The following FGF14 variants were observed in gnomAD, a reference collection of about 807,000 sequenced individuals.
The protein encoded by FGF14 is fibroblast growth factor homologous factor 4.
A neutral mutation model predicts 25.5 loss-of-function variants in FGF14; 5 were observed. That is an observed-to-expected ratio of 0.20 (90% CI 0.10 to 0.41). The LOEUF (loss-of-function observed/expected upper bound fraction) is 0.41. Among genes scored for constraint, FGF14 ranks in the 10% least tolerant of loss-of-function variants. The pLI, the probability that FGF14 is intolerant of heterozygous loss-of-function variation, is 1.00. For missense variants in FGF14, 222 were observed against 320.1 expected (o/e 0.69, Z 2.34); for synonymous variants, 138 against 118.3 (o/e 1.17, Z -1.08).
At chr13:102,331,701 G>T (rs191025962) in intron 1 of FGF14, among the ~76,000 whole-genome samples, 1 of 152,214 alleles carries the variant, frequency 6.6e-6, no homozygotes, top group South Asian at 2.1e-4. Flanking sequence ...TACATGAAAC[G>T]CACAATGAAG....
chr13:101,730,302 G>A (rs1361742143), intron 3 of FGF14, among the ~76,000 whole-genome samples: 2 of 152,158 alleles, frequency 1.3e-5, no homozygotes, highest in African/African-American at 4.8e-5. Flanking sequence ...TGTAGCACAT[G>A]AGTATATGTG....
chr13:102,094,037 A>G (rs56197930), intron 1 of FGF14, among the ~76,000 whole-genome samples: 1 of 149,790 alleles, frequency 6.7e-6, no homozygotes. Flanking sequence ...TGACAACTTA[A>G]TAAAGGAAGG....
chr13:102,289,001 A>G (rs2152694), intron 1 of FGF14, among the ~76,000 whole-genome samples: 87,477 of 151,826 alleles, frequency 0.58, 25,351 homozygotes, highest in Middle Eastern at 0.67. Flanking sequence ...AGGTTAGCCA[A>G]TGAAAGCCTG....
intron 1 of FGF14, among the ~76,000 whole-genome samples, chr13:102,370,880 T>A (rs1478392665): frequency 6.6e-6 from 1 of 151,174 alleles, no homozygotes; most frequent in Non-Finnish European, 1.5e-5. Flanking sequence ...ATAACACACA[T>A]AGTTCACATA....
chr13:102,316,913 G>T (rs1319594788), intron 1 of FGF14, among the ~76,000 whole-genome samples: 4 of 152,124 alleles, frequency 2.6e-5, no homozygotes, highest in African/African-American at 9.7e-5. Context: ...GGATGATTGA[G>T]ATGTGGAAAG....
intron 3 of FGF14, 52 bp from the exon 4 acceptor site, chr13:101,726,862 G>T: frequency 7.4e-7 from 1 of 1,349,236 alleles, no homozygotes; most frequent in Non-Finnish European, 1.0e-6. Flanking sequence ...GATCTTCACT[G>T]TACATTCTAC....
chr13:101,798,489 T>G (rs899624867), intron 3 of FGF14, among the ~76,000 whole-genome samples: 1 of 152,140 alleles, frequency 6.6e-6, no homozygotes, highest in Non-Finnish European at 1.5e-5. Flanking sequence ...TCATGACAGT[T>G]CATCTAGAAA....
chr13:102,047,669 G>A (rs1302796992), intron 1 of FGF14, among the ~76,000 whole-genome samples: 1 of 152,030 alleles, frequency 6.6e-6, no homozygotes, highest in Admixed American at 6.6e-5. Context: ...TCACACACCG[G>A]GGCCTGTTGT....
At chr13:102,186,200 A>G (rs1191702267) in intron 1 of FGF14, among the ~76,000 whole-genome samples, 1 of 152,182 alleles carries the variant, frequency 6.6e-6, no homozygotes, top group Non-Finnish European at 1.5e-5. Context: ...ATTGCCACTT[A>G]TAAGCGCAGC....
intron 3 of FGF14, among the ~76,000 whole-genome samples, chr13:101,800,413 T>C (rs1337865213): frequency 1.3e-5 from 2 of 152,176 alleles, no homozygotes. Context: ...AATATTCATA[T>C]AAAATAATAG....
chr13:102,094,830 G>A (rs1343943442), intron 1 of FGF14, among the ~76,000 whole-genome samples: 2 of 151,962 alleles, frequency 1.3e-5, no homozygotes, highest in East Asian at 1.9e-4. Context: ...TTTTAATACC[G>A]GACAATGCTC....
intron 3 of FGF14, among the ~76,000 whole-genome samples, chr13:101,831,484 G>C (rs1362315633): frequency 6.6e-6 from 1 of 151,980 alleles, no homozygotes; most frequent in African/African-American, 2.4e-5. Flanking sequence ...GGAAAACCCA[G>C]GCACTAGCAG....
intron 1 of FGF14, among the ~76,000 whole-genome samples, chr13:101,981,907 A>T (rs1339988641): frequency 6.6e-6 from 1 of 152,178 alleles, no homozygotes; most frequent in African/African-American, 2.4e-5. Flanking sequence ...TATTAGGCCA[A>T]TGTAGGAGCT....
At chr13:101,741,118 C>A (rs2036525000) in intron 3 of FGF14, among the ~76,000 whole-genome samples, 1 of 152,122 alleles carries the variant, frequency 6.6e-6, no homozygotes, top group African/African-American at 2.4e-5. Flanking sequence ...GATGGACCAC[C>A]TGAGGTTAGG....
At chr13:102,361,949 T>C (rs2057578205) in intron 1 of FGF14, among the ~76,000 whole-genome samples, 1 of 152,148 alleles carries the variant, frequency 6.6e-6, no homozygotes, top group African/African-American at 2.4e-5. Context: ...TAGCCCAGTC[T>C]CCTTCAGTCT....
chr13:101,830,724 C>A (rs2042629139), intron 3 of FGF14, among the ~76,000 whole-genome samples: 1 of 152,070 alleles, frequency 6.6e-6, no homozygotes, highest in South Asian at 2.1e-4. Context: ...TAAAGCAACA[C>A]AATTTCATCT....
chr13:102,200,808 G>A (rs959626783), intron 1 of FGF14, among the ~76,000 whole-genome samples: 1 of 151,976 alleles, frequency 6.6e-6, no homozygotes, highest in Non-Finnish European at 1.5e-5. Context: ...GATGTGGGCA[G>A]ATATAAACAA....
At chr13:102,208,545 G>A (rs1023952633) in intron 1 of FGF14, among the ~76,000 whole-genome samples, 1 of 152,166 alleles carries the variant, frequency 6.6e-6, no homozygotes, top group East Asian at 1.9e-4. Context: ...TTCATGAACT[G>A]TAGTTTGCTT....
At chr13:102,230,999 T>C (rs2051061378) in intron 1 of FGF14, among the ~76,000 whole-genome samples, 1 of 152,182 alleles carries the variant, frequency 6.6e-6, no homozygotes, top group African/African-American at 2.4e-5. Context: ...GTGGAGAAGA[T>C]GGAATCTGAC....
Sources: allele counts gnomAD v4.1 joint callset (sites outside exome capture counted in the v4.1 genomes callset), GRCh38; gene constraint gnomAD v4.1.1; transcripts MANE v1.5; gene names NCBI Gene and HGNC (gene_info 2026-07-23, HGNC 2026-07-21).